Variants in IHO1 observed in about 807,000 individuals in gnomAD.
The protein encoded by IHO1 is interactor of HORMAD1 1.
In IHO1, 13 loss-of-function variants were observed where a neutral mutation model predicts 31.0. That is an observed-to-expected ratio of 0.42 (90% CI 0.27 to 0.67). The LOEUF (loss-of-function observed/expected upper bound fraction) is 0.67. IHO1 is among the 30% of genes least tolerant of loss of function. The probability of loss-of-function intolerance (pLI) is 0.24; values close to 1 mark genes in which losing one functional copy is unlikely to be tolerated. For synonymous variants in IHO1, 221 were observed against 248.4 expected, an observed-to-expected ratio of 0.89 and a Z score of 1.04; for missense variants, 599 against 687.5, an observed-to-expected ratio of 0.87 and a Z score of 1.44.
At chr3:49,197,011 C>T (rs571752197), upstream of IHO1, among the ~76,000 whole-genome samples, 192 of 130,286 alleles carry the variant, frequency 1.5e-3, 1 homozygote, top group Non-Finnish European at 2.6e-3. Context: ...GATGGAGTCT[C>T]GCTCTGTTGC....
At chr3:49,243,771 A>G (rs1203360643) in intron 4 of IHO1, among the ~76,000 whole-genome samples, 1 of 150,776 alleles carries the variant, frequency 6.6e-6, no homozygotes, top group African/African-American at 2.4e-5. Context: ...AAAAAAAAAA[A>G]AAAAAAAGAG....
chr3:49,238,127 C>T (rs1202757125), intron 3 of IHO1, among the ~76,000 whole-genome samples: 3 of 151,840 alleles, frequency 2.0e-5, no homozygotes, highest in Non-Finnish European at 4.4e-5. Context: ...TAGTCTTGAG[C>T]TCCTAACCTC....
In IHO1 at chr3:49,257,433, T is replaced by G. The variant is rs1327260567; in HGVS notation, c.*151T>G. On this transcript the variant is annotated 3_prime_UTR_variant, in exon 8 of 8. Transcript: ENST00000452691. ...GCAATGAGCACGAGGGCAGGGAAGGTCCAGCATTCTGGGTACCAGGTGCTG... is the reference window on the plus strand; with the variant it reads ...GCAATGAGCACGAGGGCAGGGAAGGGCCAGCATTCTGGGTACCAGGTGCTG... 2.8e-6 allele frequency: 2 copies of G among 725,212 alleles called. No individual in the cohort carries two copies. The highest frequency in any genetic ancestry group is 4.6e-6 in the Non-Finnish European group (2 of 430,206). 44.9% of individuals were successfully genotyped at this position (725,212 alleles called of 1,614,324 possible).
chr3:49,208,884 A>G (rs1403690784), intron 1 of IHO1, among the ~76,000 whole-genome samples: 1 of 152,196 alleles, frequency 6.6e-6, no homozygotes, highest in Non-Finnish European at 1.5e-5. Flanking sequence ...TTTTTATGTA[A>G]ACCATTGGAA....
chr3:49,225,008 C>T (rs1278299236), intron 2 of IHO1, among the ~76,000 whole-genome samples: 1 of 152,188 alleles, frequency 6.6e-6, no homozygotes, highest in Non-Finnish European at 1.5e-5. Context: ...TTTTGATAGC[C>T]TCTGTCACTA....
At position 49,256,615 on chromosome 3, in the gene IHO1, G is replaced by A; in HGVS notation, c.1118G>A (p.Ser373Asn). The change falls in exon 8 of 8, where the codon AGC becomes AAC. Residue 373 changes from serine (S) to asparagine (N), a missense_variant. Transcript: ENST00000452691. The surrounding 1 kb of genome is among the most constrained non-coding windows in gnomAD (Gnocchi z 4.6). ...TKTGAKNHGS[S>N]VPGHKIPSDR... The stretch of plus-strand genomic sequence containing the variant: ...ACAGGTGCCAAGAACCATGGTTCCA[G>A]CGTCCCAGGCCATAAGATTCCCAGT... The A allele has an allele frequency of 1.2e-6, 2 of 1,614,220 alleles. No homozygotes were observed. The highest frequency in any genetic ancestry group is 1.7e-6 in the Non-Finnish European group (2 of 1,180,034).
At chr3:49,231,073 C>A (rs928387198) in intron 2 of IHO1, among the ~76,000 whole-genome samples, 2 of 152,190 alleles carry the variant, frequency 1.3e-5, no homozygotes, top group African/African-American at 2.4e-5. Flanking sequence ...AACAGCAGGA[C>A]TTAGTAGAAT....
In IHO1 at chr3:49,254,288, A is replaced by G. The variant is rs2046797582; in HGVS notation, c.533-1102A>G. Among the ~76,000 whole-genome samples, 3 of 152,272 alleles carry G rather than the reference A, an allele frequency of 2.0e-5. No homozygotes were observed. The South Asian group carries it at 6.2e-4, about 32-fold the overall frequency. On this transcript the variant is annotated intron_variant, in intron 6 of 7. Coordinates refer to ENST00000452691, the MANE Select transcript of IHO1 (RefSeq NM_001135197.2). ...ATTGCAACACAATGTGTCATTAAAT[A>G]AATGTGTGTGTGTGTGTGTGCATGC...
chr3:49,201,095 G>A (rs1307460248), intron 1 of IHO1, among the ~76,000 whole-genome samples: 8 of 151,852 alleles, frequency 5.3e-5, no homozygotes, highest in South Asian at 2.1e-4. Context: ...CCAGGTTCAC[G>A]CCATTCTCCT....
At chr3:49,250,419 T>A (rs1575587933) in intron 6 of IHO1, among the ~76,000 whole-genome samples, 1 of 152,310 alleles carries the variant, frequency 6.6e-6, no homozygotes, top group East Asian at 1.9e-4. Context: ...GAACTGAATG[T>A]ATGGGACCTC....
At chr3:49,234,303 G>A (rs373247589) in intron 2 of IHO1, among the ~76,000 whole-genome samples, 23 of 151,120 alleles carry the variant, frequency 1.5e-4, no homozygotes, top group East Asian at 1.2e-3. Flanking sequence ...CTCCTGATTA[G>A]GTGGGACTGT....
At chr3:49,220,273 C>G (rs989877702) in intron 2 of IHO1, among the ~76,000 whole-genome samples, 10 of 152,332 alleles carry the variant, frequency 6.6e-5, no homozygotes, top group African/African-American at 2.2e-4. Context: ...TGGGGCATTT[C>G]CGGCTCAGGC....
At chr3:49,217,191 A>C (rs1383446158) in intron 2 of IHO1, among the ~76,000 whole-genome samples, 2 of 152,218 alleles carry the variant, frequency 1.3e-5, no homozygotes, top group Non-Finnish European at 2.9e-5. Context: ...ATGCACATGT[A>C]TATTTATTGT....
rs200632800 is a variant in IHO1 at position 49,256,509 on chromosome 3, G to A, written c.1012G>A (p.Ala338Thr). 8.1e-5 allele frequency: 131 copies of A among 1,614,088 alleles called. 3 individuals carry two copies. In the Middle Eastern group the frequency reaches 1.6e-3, roughly 20 times the overall value. ...DDLQEEAALPAFGSHERNRHV... is the reference protein window; with the variant it reads ...DDLQEEAALPTFGSHERNRHV... ...TCTCCAAGAAGAGGCTGCACTGCCA[G>A]CATTTGGGTCCCATGAAAGAAATAG... Residue 338 changes from alanine (A) to threonine (T), a missense_variant, in exon 8 of 8, where the codon GCA (alanine) becomes ACA (threonine). Physicochemically the swap from Ala to Thr is moderately conservative, Grantham distance 58 (BLOSUM62 0). Transcript: ENST00000452691. The surrounding 1 kb of genome is among the most constrained non-coding windows in gnomAD (Gnocchi z 4.6).
chr3:49,234,353 T>A (rs943918148), intron 2 of IHO1, among the ~76,000 whole-genome samples: 37 of 151,628 alleles, frequency 2.4e-4, no homozygotes, highest in Middle Eastern at 3.4e-3. Context: ...TTTTTTTTTT[T>A]AATTTTAGTA....
At position 49,237,050 on chromosome 3, in the gene IHO1, C is replaced by CA. The variant is rs530099302; in HGVS notation, c.231+338dup. Among the ~76,000 whole-genome samples the CA allele has an allele frequency of 3.5e-3, 492 of 139,832 alleles. 2 individuals carry two copies. The highest frequency in any genetic ancestry group is 9.0e-3 in the African/African-American group (340 of 37,966). 91.7% of individuals were successfully genotyped at this position (139,832 alleles called of 152,430 possible). A position where few individuals can be genotyped will look rare whatever the true frequency, so the allele number is the denominator to read the frequency against. On this transcript the variant is annotated intron_variant, in intron 3 of 7. Transcript: ENST00000452691. ...TGGGTGACAGAGTGAGAACCTGTCT[C>CA]AAAAAAAAAACAAACAAGGCCAGGT... is the stretch of plus-strand genomic sequence containing the variant.
At chr3:49,255,331 C>A in intron 6 of IHO1, 59 bp from the exon 7 acceptor site, 2 of 1,204,410 alleles carry the variant, frequency 1.7e-6, no homozygotes, top group Non-Finnish European at 2.4e-6. Context: ...GTGGTTTGGG[C>A]AGATGGGACA....
intron 2 of IHO1, among the ~76,000 whole-genome samples, chr3:49,218,580 C>T (rs1289138116): frequency 6.6e-6 from 1 of 151,932 alleles, no homozygotes; most frequent in African/African-American, 2.4e-5. Context: ...TGGGATTTCA[C>T]CATGTTGGCC....
chr3:49,218,260 G>GCT (rs1221515122), intron 2 of IHO1, among the ~76,000 whole-genome samples: 2 of 150,964 alleles, frequency 1.3e-5, no homozygotes, highest in South Asian at 2.1e-4. Context: ...GACAGCTCCG[G>GCT]CTCTCTCTCT....
Sources: allele counts gnomAD v4.1 joint callset (sites outside exome capture counted in the v4.1 genomes callset), GRCh38; gene constraint gnomAD v4.1.1; non-coding constraint Gnocchi (gnomAD v3.1); transcripts MANE v1.5; gene names NCBI Gene and HGNC (gene_info 2026-07-23, HGNC 2026-07-21).